The following PCM1 variants were observed in gnomAD, a reference collection of about 807,000 sequenced individuals.
The protein encoded by PCM1 is pericentriolar material 1.
In PCM1, 157 loss-of-function variants were observed where a neutral mutation model predicts 241.9. The observed-to-expected ratio is 0.65, with a 90% CI of 0.57 to 0.74. The LOEUF is 0.74. Among genes scored for constraint, PCM1 ranks in the 30% least tolerant of loss-of-function variants. The pLI is 0.00. For missense variants in PCM1, 3,478 were observed against 2,360.1 expected (o/e 1.47, Z -9.81); for synonymous variants, 1,085 against 784.9 (o/e 1.38, Z -6.39).
At chr8:17,971,384 A>G (rs963093755) in intron 22 of PCM1, among the ~76,000 whole-genome samples, 8 of 152,214 alleles carry the variant, frequency 5.3e-5, no homozygotes, top group Non-Finnish European at 7.3e-5. Flanking sequence ...TAAGAGATTT[A>G]TAAAGCACAT....
Position 17,985,472 on chromosome 8 carries a change from T to C in PCM1, c.4134T>C (p.Phe1378=). Residue 1378 remains phenylalanine (F), a synonymous_variant, in exon 25 of 39, where the codon TTT becomes TTC. Coordinates refer to ENST00000325083, the MANE Select transcript of PCM1 (RefSeq NM_006197.4). ...SSETGSDFSM[F]EALRDTIYSE... The stretch of plus-strand genomic sequence containing the variant: ...AAACTGGGAGTGATTTTTCCATGTT[T>C]GAAGCTTTGCGAGATACTATTTATT... 6.4e-7 allele frequency: 1 copy of C among 1,560,192 alleles called. No homozygotes were observed. Among genetic ancestry groups the C allele is most frequent in the Non-Finnish European group, 8.7e-7 (1 of 1,150,234 alleles).
chr8:17,969,533 G>T lies in PCM1; in HGVS notation c.3413-44G>T, dbSNP rs758050221. On this transcript the variant is annotated intron_variant, in intron 21 of 38. Coordinates refer to ENST00000325083, the MANE Select transcript of PCM1 (RefSeq NM_006197.4). ...CTTTTAATTTCATTTTAAAGCTAAA[G>T]ACATTTATTTATTTTTCTCTTACCC... 98 of 1,337,126 alleles carry T rather than the reference G, an allele frequency of 7.3e-5. No homozygotes were observed. The East Asian group carries it at 2.3e-3, about 31-fold the overall frequency. The allele number at this position is 1,337,126 out of a possible 1,614,324, so 82.8% of individuals were successfully genotyped here.
intron 10 of PCM1, among the ~76,000 whole-genome samples, chr8:17,956,108 T>C (rs917215978): frequency 3.4e-5 from 5 of 146,904 alleles, no homozygotes; most frequent in Non-Finnish European, 7.5e-5. Flanking sequence ...GCGCAGTTCC[T>C]GGCACTTACA....
intron 6 of PCM1, 127 bp downstream of exon 6, chr8:17,939,988 C>A: frequency 7.8e-7 from 1 of 1,284,078 alleles, no homozygotes; most frequent in Non-Finnish European, 1.1e-6. Context: ...TCCATTATAA[C>A]AATTTATTGC....
Position 17,957,499 on chromosome 8 carries a change from C to A in PCM1, c.1805-41C>A, listed in dbSNP as rs117021531. On this transcript the variant is annotated intron_variant, in intron 12 of 38. Coordinates refer to ENST00000325083, the MANE Select transcript of PCM1 (RefSeq NM_006197.4). The stretch of plus-strand genomic sequence containing the variant: ...GGTTTTCGTTCATGTGTGCTCTTTC[C>A]TTTAAAAGTTACTGGTTTTAATTAT... 8 of 1,605,644 alleles carry A rather than the reference C, an allele frequency of 5.0e-6. No homozygotes were observed. The African/African-American group carries it at 9.4e-5, about 19-fold the overall frequency.
rs191445421 is a variant in PCM1 at position 17,995,998 on chromosome 8, C to T, written c.4827+2379C>T. 2.0e-4 allele frequency among the ~76,000 whole-genome samples: 30 copies of T among 152,158 alleles called. No homozygotes were observed. In the East Asian group the frequency reaches 5.6e-3, roughly 28 times the overall value. On this transcript the variant is annotated intron_variant, in intron 29 of 38. Transcript: ENST00000325083. The stretch of plus-strand genomic sequence containing the variant: ...ATATACAAACAAGGATAATTTGATT[C>T]TTCCTTTCCAGTTTGGATCCCCTCT...
intron 36 of PCM1, among the ~76,000 whole-genome samples, chr8:18,019,402 G>C (rs1162813560): frequency 6.6e-6 from 1 of 152,100 alleles, no homozygotes; most frequent in Non-Finnish European, 1.5e-5. Flanking sequence ...AAGGGGGATG[G>C]TTTCAGGATG....
At chr8:17,927,000 T>A (rs952943879) in intron 2 of PCM1, 6 of 152,140 alleles carry the variant, frequency 3.9e-5, no homozygotes, top group African/African-American at 1.2e-4. Context: ...AAGTAGAAAG[T>A]GAAACCATGC....
At chr8:17,962,842 G>A in intron 16 of PCM1, 1 of 259,994 alleles carries the variant, frequency 3.8e-6, no homozygotes, top group South Asian at 6.1e-5. Context: ...GGCAGAGGTT[G>A]CAGTGAGCCG....
At chr8:17,979,072 C>G (rs1261345495) in intron 23 of PCM1, among the ~76,000 whole-genome samples, 1 of 148,230 alleles carries the variant, frequency 6.7e-6, no homozygotes, top group Non-Finnish European at 1.5e-5. Flanking sequence ...TGCAATGAGC[C>G]AAGACTGTGT....
At chr8:17,943,021 A>G (rs77129124) in intron 6 of PCM1, among the ~76,000 whole-genome samples, 1,951 of 152,008 alleles carry the variant, frequency 0.013, 53 homozygotes, top group African/African-American at 0.045. Flanking sequence ...AAGAGTTTGA[A>G]TAAAAATACC....
At chr8:17,941,431 G>T (rs1477719513) in intron 6 of PCM1, among the ~76,000 whole-genome samples, 4 of 151,990 alleles carry the variant, frequency 2.6e-5, no homozygotes, top group Non-Finnish European at 4.4e-5. Flanking sequence ...GCAGGATGTG[G>T]TACTTGCTTA....
At chr8:17,995,628 T>C (rs574819264) in intron 29 of PCM1, among the ~76,000 whole-genome samples, 1 of 151,562 alleles carries the variant, frequency 6.6e-6, no homozygotes, top group East Asian at 1.9e-4. Flanking sequence ...TGATCACAAT[T>C]GTATTGAATC....
At chr8:17,959,036 T>C (rs1290275231) in intron 13 of PCM1, among the ~76,000 whole-genome samples, 1 of 152,174 alleles carries the variant, frequency 6.6e-6, no homozygotes, top group Non-Finnish European at 1.5e-5. Flanking sequence ...ACTCTGTCTT[T>C]ACCTCCATTA....
chr8:18,006,577 A>T (rs953363391), intron 30 of PCM1, among the ~76,000 whole-genome samples, 180 bp downstream of exon 30: 2 of 152,110 alleles, frequency 1.3e-5, no homozygotes, highest in African/African-American at 4.8e-5. Context: ...ATAATATTGT[A>T]TTATTAGGTC....
chr8:17,949,654 C>T (rs1232167140), intron 7 of PCM1, among the ~76,000 whole-genome samples: 9 of 152,068 alleles, frequency 5.9e-5, no homozygotes, highest in South Asian at 2.1e-4. Context: ...TGCTGTACCA[C>T]GCCGGGCTAA....
At chr8:17,948,739 T>C (rs2064869801) in intron 7 of PCM1, among the ~76,000 whole-genome samples, 2 of 152,216 alleles carry the variant, frequency 1.3e-5, no homozygotes, top group South Asian at 4.1e-4. Flanking sequence ...AAACAGATAA[T>C]TTAGGAAAAG....
At chr8:17,990,287 A>G (rs2084095179) in intron 27 of PCM1, among the ~76,000 whole-genome samples, 1 of 152,028 alleles carries the variant, frequency 6.6e-6, no homozygotes, top group Admixed American at 6.6e-5. Flanking sequence ...CCTTTTCCTT[A>G]AAGGAAAGGT....
At chr8:17,948,704 A>C (rs972163371) in intron 7 of PCM1, among the ~76,000 whole-genome samples, 1 of 152,204 alleles carries the variant, frequency 6.6e-6, no homozygotes, top group Admixed American at 6.5e-5. Flanking sequence ...TAAAATTTAA[A>C]GTACCATTAG....
Sources: allele counts gnomAD v4.1 joint callset (sites outside exome capture counted in the v4.1 genomes callset), GRCh38; gene constraint gnomAD v4.1.1; transcripts MANE v1.5; gene names NCBI Gene and HGNC (gene_info 2026-07-23, HGNC 2026-07-21).